PID1: variants seen among roughly 807,000 people sequenced by gnomAD.
PID1 encodes the protein PTB-containing, cubilin and LRP1-interacting protein.
PID1 carries 10 observed loss-of-function variants against 19.1 expected under a neutral mutation model. The ratio of observed to expected loss-of-function variants is 0.52; its 90% CI spans 0.32 to 0.89. The LOEUF (loss-of-function observed/expected upper bound fraction) is 0.89, where lower values mean the gene tolerates loss of function less well. Ranked by LOEUF, PID1 falls within the 40% of genes least tolerant of loss-of-function variation. The probability of loss-of-function intolerance (pLI) is 0.03; values close to 1 mark genes in which losing one functional copy is unlikely to be tolerated. For missense variants in PID1, 248 were observed against 285.3 expected, an observed-to-expected ratio of 0.87 and a Z score of 0.94; for synonymous variants, 130 against 116.0, an observed-to-expected ratio of 1.12 and a Z score of -0.78.
At chr2:229,066,883 T>C (rs1367412405) in intron 2 of PID1, among the ~76,000 whole-genome samples, 1 of 152,156 alleles carries the variant, frequency 6.6e-6, no homozygotes, top group Non-Finnish European at 1.5e-5. Context: ...CAATCCTCTC[T>C]ACAGGTTTCT....
chr2:229,118,850 A>G (rs1349551577), intron 2 of PID1, among the ~76,000 whole-genome samples: 1 of 152,216 alleles, frequency 6.6e-6, no homozygotes, highest in African/African-American at 2.4e-5. Context: ...AAACAAAACA[A>G]AACAAAAAAC....
At chr2:229,232,223 A>T in intron 1 of PID1, 1 of 1,084,464 alleles carries the variant, frequency 9.2e-7, no homozygotes, top group Non-Finnish European at 1.2e-6. Context: ...GGAGATCAAG[A>T]CCATCCTGGC....
At chr2:229,238,812 A>T (rs1689790652) in intron 1 of PID1, among the ~76,000 whole-genome samples, 1 of 152,076 alleles carries the variant, frequency 6.6e-6, no homozygotes, top group East Asian at 1.9e-4. Context: ...TATTGGTCAA[A>T]CCAGCATCAT....
chr2:229,092,467 C>T (rs1694895507), intron 2 of PID1, among the ~76,000 whole-genome samples: 2 of 152,152 alleles, frequency 1.3e-5, no homozygotes, highest in African/African-American at 2.4e-5. Flanking sequence ...AAGAGAGCCG[C>T]TATGGTGCAG....
rs556997657 is a variant in PID1, at chr2:229,161,066, A to G, written c.31-5102T>C. Reference sequence around the variant, plus strand: ...AATAATGTCATTGCCCCCTTTACACAAAGAATATGCAACATGACACAGGCT... The same window carrying G: ...AATAATGTCATTGCCCCCTTTACACGAAGAATATGCAACATGACACAGGCT... On this transcript the variant is annotated intron_variant, in intron 1 of 2. Coordinates refer to ENST00000392055, the MANE Select transcript of PID1 (RefSeq NM_001100818.2). Among the ~76,000 whole-genome samples, 4 of 152,246 alleles carry G rather than the reference A, an allele frequency of 2.6e-5. No individual in the cohort carries two copies. The South Asian group carries it at 8.3e-4, about 32-fold the overall frequency.
intron 1 of PID1, among the ~76,000 whole-genome samples, chr2:229,175,661 C>T (rs533775684): frequency 6.6e-6 from 1 of 152,272 alleles, no homozygotes; most frequent in Non-Finnish European, 1.5e-5. Context: ...AGGCAAACTG[C>T]CCCACCCTAT....
intron 1 of PID1, among the ~76,000 whole-genome samples, chr2:229,217,244 C>T (rs1691867288): frequency 6.6e-6 from 1 of 152,180 alleles, no homozygotes; most frequent in Non-Finnish European, 1.5e-5. Context: ...AAAGTGTGCA[C>T]TTGGTAAGCT....
intron 2 of PID1, among the ~76,000 whole-genome samples, chr2:229,043,856 C>T (rs1176753423): frequency 1.3e-5 from 2 of 152,128 alleles, no homozygotes; most frequent in South Asian, 2.1e-4. Context: ...TGGCAATGCC[C>T]GGGGCAGACC....
At chr2:229,058,865 AT>A (rs1694156415) in intron 2 of PID1, among the ~76,000 whole-genome samples, 1 of 152,184 alleles carries the variant, frequency 6.6e-6, no homozygotes, top group Non-Finnish European at 1.5e-5. Flanking sequence ...CCAAAACCAC[AT>A]CTTAAAAGAG....
At chr2:229,206,306 A>T (rs1294990295) in intron 1 of PID1, among the ~76,000 whole-genome samples, 2 of 151,344 alleles carry the variant, frequency 1.3e-5, no homozygotes, top group East Asian at 2.0e-4. Flanking sequence ...CTAATGGTTA[A>T]TTTTTATTTT....
chr2:229,040,121 A>C (rs1054506317), intron 2 of PID1, among the ~76,000 whole-genome samples: 15 of 72,172 alleles, frequency 2.1e-4, no homozygotes, highest in Non-Finnish European at 4.4e-4. Flanking sequence ...TGTTATGTGG[A>C]AAAAAAAAAA....
chr2:229,091,494 T>G (rs1694876777), intron 2 of PID1, among the ~76,000 whole-genome samples: 1 of 152,128 alleles, frequency 6.6e-6, no homozygotes, highest in Non-Finnish European at 1.5e-5. Flanking sequence ...GGTATGAAGA[T>G]GTGGGGCCTC....
At chr2:229,065,391 T>C (rs1452085478) in intron 2 of PID1, among the ~76,000 whole-genome samples, 1 of 152,168 alleles carries the variant, frequency 6.6e-6, no homozygotes, top group East Asian at 1.9e-4. Context: ...ACCAATTAGA[T>C]CCTGCAGAAA....
At chr2:229,084,691 G>A (rs1694731381) in intron 2 of PID1, among the ~76,000 whole-genome samples, 1 of 152,158 alleles carries the variant, frequency 6.6e-6, no homozygotes, top group South Asian at 2.1e-4. Flanking sequence ...TTAAAAAAGG[G>A]TTCACCAGAC....
At chr2:229,225,753 A>G (rs773014322) in intron 1 of PID1, among the ~76,000 whole-genome samples, 73 of 152,176 alleles carry the variant, frequency 4.8e-4, no homozygotes, top group Non-Finnish European at 9.7e-4. Flanking sequence ...GGAAGCAAAC[A>G]GGTCCTTCTT....
At chr2:229,061,318 C>A (rs1232976288) in intron 2 of PID1, among the ~76,000 whole-genome samples, 1 of 151,972 alleles carries the variant, frequency 6.6e-6, no homozygotes, top group Non-Finnish European at 1.5e-5. Flanking sequence ...CATTCTTCTG[C>A]ATGTGGAGAA....
At chr2:229,231,788 AGATGTGTGATGG>A in intron 1 of PID1, 1 of 1,382,258 alleles carries the variant, frequency 7.2e-7, no homozygotes, top group Non-Finnish European at 9.7e-7. Flanking sequence ...TCAATAGTCC[AGATGTGTGATGG>A]CATTTTACCA....
chr2:229,252,485 C>T (rs1030037622), intron 1 of PID1, among the ~76,000 whole-genome samples: 3 of 152,120 alleles, frequency 2.0e-5, no homozygotes, highest in Admixed American at 2.0e-4. Context: ...TCTCATGGGC[C>T]AGCTCCTGTT....
intron 1 of PID1, among the ~76,000 whole-genome samples, chr2:229,176,183 CA>C (rs1690819760): frequency 6.6e-6 from 1 of 150,836 alleles, no homozygotes; most frequent in African/African-American, 2.4e-5. Flanking sequence ...CAAAACAAAA[CA>C]AAAAAAGATT....
Sources: gnomAD v4.1 joint callset for allele counts (sites outside exome capture counted in the v4.1 genomes callset) on GRCh38, gnomAD v4.1.1 for gene constraint, MANE v1.5 for transcripts, NCBI Gene and HGNC (gene_info 2026-07-23, HGNC 2026-07-21) for gene names.